CSNK2A1: variants seen among roughly 807,000 people sequenced by gnomAD.
CSNK2A1 encodes casein kinase II subunit alpha.
In CSNK2A1, 10 loss-of-function variants were observed where a neutral mutation model predicts 62.9. That is an observed-to-expected ratio of 0.16 (90% CI 0.10 to 0.27). The LOEUF is 0.27. CSNK2A1 is among the 10% of genes least tolerant of loss of function. The pLI, the probability that CSNK2A1 is intolerant of heterozygous loss-of-function variation, is 1.00. For missense variants in CSNK2A1, 160 were observed against 492.0 expected (o/e 0.33, Z 6.38); for synonymous variants, 124 against 167.8 (o/e 0.74, Z 2.02).
At chr20:523,616 G>A (rs888667411) in intron 2 of CSNK2A1, among the ~76,000 whole-genome samples, 1 of 152,148 alleles carries the variant, frequency 6.6e-6, no homozygotes, top group African/African-American at 2.4e-5. Flanking sequence ...GTGAGGTTGG[G>A]CACGGTGGCT....
At chr20:507,516 TC>T (rs1358617668) in intron 3 of CSNK2A1, 1 of 152,162 alleles carries the variant, frequency 6.6e-6, no homozygotes, top group Non-Finnish European at 1.5e-5. Flanking sequence ...AATGCAAACA[TC>T]CAAATGAGTC....
intron 3 of CSNK2A1, 122 bp from the exon 4 acceptor site, chr20:505,351 G>GTTTTTTTTTTT (rs746624346): frequency 4.7e-6 from 1 of 211,358 alleles, no homozygotes. Context: ...TCCCAAATAG[G>GTTTTTTTTTTT]TTTTTTTTTT....
intron 3 of CSNK2A1, 64 bp downstream of exon 3, chr20:508,387 A>G: frequency 4.5e-6 from 7 of 1,570,344 alleles, no homozygotes; most frequent in Middle Eastern, 1.7e-4. Flanking sequence ...GACAAAAACT[A>G]CTCAACAGAT....
chr20:500,135 A>T (rs1325984526), intron 4 of CSNK2A1: 1 of 532,234 alleles, frequency 1.9e-6, no homozygotes, highest in African/African-American at 1.9e-5. Context: ...GTTGAATTGA[A>T]AGAAAAAAAG....
intron 12 of CSNK2A1, chr20:487,147 T>C: frequency 2.2e-6 from 1 of 455,022 alleles, no homozygotes; most frequent in African/African-American, 1.9e-5. Flanking sequence ...CAGGGCTGTG[T>C]ATTCTAATTC....
chr20:537,963 CTTTT>C (rs60811807), intron 1 of CSNK2A1, among the ~76,000 whole-genome samples: 3 of 141,322 alleles, frequency 2.1e-5, no homozygotes, highest in East Asian at 2.0e-4. Flanking sequence ...CAGTTAACAT[CTTTT>C]TTTTTTTTTT....
Position 499,273 on chromosome 20 carries a change from T to C in CSNK2A1, c.348A>G (p.Val116=). The change falls in exon 6 of 14, where the codon GTA becomes GTG. Residue 116 remains valine, a synonymous_variant. Coordinates refer to ENST00000217244, the MANE Select transcript of CSNK2A1 (RefSeq NM_177559.3). This position sits in a 1 kb window ranked among gnomAD's most constrained non-coding sequence, Gnocchi z 4.2. The stretch of plus-strand genomic sequence containing the variant: ...ATTATACCTTGAAGTCTGTGTTGTT[T>C]ACGTGTTCAAAAACCAAGGCGGGGG... ...SRTPALVFEH[V]NNTDFKQLYQ... is the part of the protein sequence containing the mutation. 6.2e-7 allele frequency: 1 copy of C among 1,608,776 alleles called. No individual in the cohort carries two copies. Among genetic ancestry groups the C allele is most frequent in the Non-Finnish European group, 8.5e-7 (1 of 1,177,474 alleles).
At chr20:492,475 C>A in intron 8 of CSNK2A1, 111 bp from the exon 9 acceptor site, 1 of 933,146 alleles carries the variant, frequency 1.1e-6, no homozygotes, top group South Asian at 1.6e-5. Flanking sequence ...TACTGAAACC[C>A]CTCCACTGAC....
At chr20:490,353 G>GTTTTTTTTTTTTTTTTTT (rs373775413) in intron 9 of CSNK2A1, among the ~76,000 whole-genome samples, 5 of 53,446 alleles carry the variant, frequency 9.4e-5, no homozygotes, top group African/African-American at 5.5e-4. Flanking sequence ...TTTTTTTTTA[G>GTTTTTTTTTTTTTTTTTT]TTTTTTTTTT....
At chr20:501,344 T>A (rs2018465173) in intron 4 of CSNK2A1, 1 of 152,438 alleles carries the variant, frequency 6.6e-6, no homozygotes, top group African/African-American at 2.4e-5. Flanking sequence ...ATTATAGGCA[T>A]GAGCCACTGT....
chr20:520,741 C>G (rs1410124118), intron 2 of CSNK2A1, among the ~76,000 whole-genome samples: 1 of 152,156 alleles, frequency 6.6e-6, no homozygotes, highest in East Asian at 1.9e-4. Context: ...CTCAACTGAT[C>G]CACCTGCCTT....
At position 479,780 on chromosome 20, in the gene CSNK2A1, T is replaced by TAC. The variant is rs1416915127; in HGVS notation, c.*4179_*4180dup. The TAC allele has an allele frequency of 1.3e-5, 2 of 152,242 alleles. No individual in the cohort carries two copies. The highest frequency in any genetic ancestry group is 6.5e-5 in the Admixed American group (1 of 15,290). 9.4% of individuals were successfully genotyped at this position (152,242 alleles called of 1,614,324 possible). ...TTGGAGAATAGTCTGAATTTCGTAT[T>TAC]ACACGTTGAGCATTTCTAATTTGAA... On this transcript the variant is annotated 3_prime_UTR_variant, in exon 14 of 14. Coordinates refer to ENST00000217244, the MANE Select transcript of CSNK2A1 (RefSeq NM_177559.3).
chr20:488,645 C>A (rs2018151761), intron 11 of CSNK2A1, 33 bp downstream of exon 11: 1 of 1,601,492 alleles, frequency 6.2e-7, no homozygotes, highest in Non-Finnish European at 8.5e-7. Flanking sequence ...AGTGCTTAAG[C>A]CACAGATGCA....
chr20:485,102 A>ATAATAATAATAATAATAAT (rs2018058648), intron 13 of CSNK2A1, among the ~76,000 whole-genome samples: 1 of 50,506 alleles, frequency 2.0e-5, no homozygotes, highest in African/African-American at 7.3e-5. Flanking sequence ...AAAAAAAAAA[A>ATAATAATAATAATAATAAT]AAAAAAAATA....
At chr20:487,090 C>A (rs1052106920) in intron 12 of CSNK2A1, 20 of 256,882 alleles carry the variant, frequency 7.8e-5, no homozygotes, top group African/African-American at 3.3e-4. Context: ...GATTTGTAAG[C>A]CTCATTAGCT....
rs778818819 is a variant in CSNK2A1 at position 497,710 on chromosome 20, G to A, written c.426+11C>T. 1 of 1,599,266 alleles carries A rather than the reference G, an allele frequency of 6.3e-7. No individual in the cohort carries two copies. Among genetic ancestry groups the A allele is most frequent in the Non-Finnish European group, 8.6e-7 (1 of 1,168,312 alleles). The stretch of plus-strand genomic sequence containing the variant: ...AATTTAAAAAATATTTAGTATTCAA[G>A]GTTCACTTACCTTCAGAATCTCATA... On this transcript the variant is annotated intron_variant, in intron 7 of 13. Transcript: ENST00000217244.
chr20:492,580 T>C, intron 8 of CSNK2A1: 1 of 533,882 alleles, frequency 1.9e-6, no homozygotes, highest in Non-Finnish European at 3.3e-6. Flanking sequence ...TCACCTGTGC[T>C]TTTACAAATT....
intron 1 of CSNK2A1, among the ~76,000 whole-genome samples, chr20:534,211 T>C (rs1328554795): frequency 6.6e-6 from 1 of 152,244 alleles, no homozygotes; most frequent in East Asian, 1.9e-4. Context: ...GGAAGCCAGA[T>C]CTGTTTAGGA....
At chr20:543,527 T>G in intron 1 of CSNK2A1, 145 bp downstream of exon 1, 5 of 391,034 alleles carry the variant, frequency 1.3e-5, no homozygotes, top group East Asian at 3.6e-5. Context: ...GGGGCCTCGC[T>G]TGGTTTATGT....
Sources: allele counts gnomAD v4.1 joint callset (sites outside exome capture counted in the v4.1 genomes callset), GRCh38; gene constraint gnomAD v4.1.1; non-coding constraint Gnocchi (gnomAD v3.1); transcripts MANE v1.5; gene names NCBI Gene and HGNC (gene_info 2026-07-23, HGNC 2026-07-21).